Variants in SHANK2 observed in about 807,000 individuals in gnomAD.
The protein encoded by SHANK2 is SH3 and multiple ankyrin repeat domains protein 2.
A neutral mutation model predicts 133.7 loss-of-function variants in SHANK2; 43 were observed. The observed-to-expected ratio is 0.32, with a 90% confidence interval of 0.25 to 0.41. The LOEUF (loss-of-function observed/expected upper bound fraction) is 0.41, where lower values mean the gene tolerates loss of function less well. Among genes scored for constraint, SHANK2 ranks in the 10% least tolerant of loss-of-function variants. The probability of loss-of-function intolerance (pLI) is 1.00; values close to 1 mark genes in which losing one functional copy is unlikely to be tolerated. For synonymous variants in SHANK2, 1,017 were observed against 952.8 expected (o/e 1.07, Z -1.24); for missense variants, 1,994 against 2,235.8 (o/e 0.89, Z 2.18).
chr11:70,838,500 C>A (rs553967534), intron 11 of SHANK2, among the ~76,000 whole-genome samples: 1 of 152,080 alleles, frequency 6.6e-6, no homozygotes, highest in Non-Finnish European at 1.5e-5. Flanking sequence ...TGCCTTGCCC[C>A]GTGGAGGTGC....
At chr11:70,924,950 C>A (rs1344654768) in intron 10 of SHANK2, among the ~76,000 whole-genome samples, 1 of 152,194 alleles carries the variant, frequency 6.6e-6, no homozygotes, top group Non-Finnish European at 1.5e-5. Flanking sequence ...CACCAGGACC[C>A]TCCCTTCCCA....
intron 11 of SHANK2, among the ~76,000 whole-genome samples, chr11:70,832,643 C>T (rs1948742479): frequency 6.6e-6 from 1 of 152,200 alleles, no homozygotes; most frequent in Non-Finnish European, 1.5e-5. Flanking sequence ...TTACTAGGTT[C>T]ACCAGGCTGC....
intron 13 of SHANK2, among the ~76,000 whole-genome samples, chr11:70,803,328 A>C (rs1388254189): frequency 0.039 from 41 of 1,058 alleles, no homozygotes; most frequent in Non-Finnish European, 0.081. Context: ...CTACCCATCC[A>C]TCCATCTACC....
At chr11:71,227,505 C>T (rs1954660417) in intron 1 of SHANK2, among the ~76,000 whole-genome samples, 1 of 151,700 alleles carries the variant, frequency 6.6e-6, no homozygotes, top group Non-Finnish European at 1.5e-5. Flanking sequence ...GAGGACTCCA[C>T]CAAGAAGACA....
chr11:70,631,375 T>TACACACACACACACACACACAC (rs56370058), intron 17 of SHANK2: 2 of 143,390 alleles, frequency 1.4e-5, no homozygotes, highest in African/African-American at 5.2e-5. Context: ...TTCCCGGAGT[T>TACACACACACACACACACACAC]ACACACACAC....
At chr11:70,557,675 C>A (rs572222443) in intron 17 of SHANK2, among the ~76,000 whole-genome samples, 1 of 152,330 alleles carries the variant, frequency 6.6e-6, no homozygotes, top group South Asian at 2.1e-4. Context: ...CTCCAAGATT[C>A]CCACAGTCTG....
chr11:70,739,497 G>T lies in SHANK2; in HGVS notation c.1778-40734C>A, dbSNP rs1019595065. Among the ~76,000 whole-genome samples the T allele has an allele frequency of 5.8e-4, 88 of 152,256 alleles. No individual in the cohort carries two copies. The highest frequency in any genetic ancestry group is 2.0e-3 in the African/African-American group (85 of 41,558). On this transcript the variant is annotated intron_variant, in intron 14 of 25. Coordinates refer to ENST00000601538, the MANE Select transcript of SHANK2 (RefSeq NM_012309.5). The surrounding 1 kb of genome is among the most constrained non-coding windows in gnomAD (Gnocchi z 4.3). Reference sequence around the variant, plus strand: ...GTGCCCACGTGGGGAGGGTGTTTGTGCCTGTGCCTTGTCTGGGGAACACCT... The same window carrying T: ...GTGCCCACGTGGGGAGGGTGTTTGTTCCTGTGCCTTGTCTGGGGAACACCT...
At chr11:71,087,820 G>C (rs1218019056) in intron 8 of SHANK2, among the ~76,000 whole-genome samples, 1 of 152,104 alleles carries the variant, frequency 6.6e-6, no homozygotes, top group African/African-American at 2.4e-5. Context: ...AGTAAGACAG[G>C]GTTTCACCAT....
At chr11:70,892,312 A>G (rs1949857850) in intron 11 of SHANK2, among the ~76,000 whole-genome samples, 1 of 152,026 alleles carries the variant, frequency 6.6e-6, no homozygotes, top group Non-Finnish European at 1.5e-5. Flanking sequence ...AGAGCGAGGG[A>G]GCCTGGATGA....
chr11:71,221,945 T>G (rs1555121227), intron 2 of SHANK2, among the ~76,000 whole-genome samples: 1 of 151,802 alleles, frequency 6.6e-6, no homozygotes, highest in African/African-American at 2.4e-5. Context: ...AGGAGTAGGG[T>G]CCCTTGGTGG....
chr11:70,865,473 G>A (rs782003143), intron 11 of SHANK2, among the ~76,000 whole-genome samples: 11 of 152,190 alleles, frequency 7.2e-5, no homozygotes, highest in Non-Finnish European at 1.0e-4. Flanking sequence ...GTAAGGGCAC[G>A]CGGGGGGTGT....
At chr11:71,064,332 G>A (rs1211263381) in intron 9 of SHANK2, among the ~76,000 whole-genome samples, 1 of 152,180 alleles carries the variant, frequency 6.6e-6, no homozygotes, top group Non-Finnish European at 1.5e-5. Flanking sequence ...TGGGAGGAGA[G>A]AGAGCCTGGG....
At chr11:71,057,914 G>GTT (rs879235729) in intron 9 of SHANK2, among the ~76,000 whole-genome samples, 4,357 of 121,016 alleles carry the variant, frequency 0.036, 417 homozygotes, top group African/African-American at 0.13. Flanking sequence ...AAGCAAAACG[G>GTT]TTTTTTTTTT....
chr11:70,917,582 T>C (rs547630476), intron 10 of SHANK2, among the ~76,000 whole-genome samples: 3 of 152,286 alleles, frequency 2.0e-5, no homozygotes, highest in South Asian at 2.1e-4. Flanking sequence ...CTATTCACAA[T>C]AGCAATGACA....
intron 10 of SHANK2, among the ~76,000 whole-genome samples, chr11:70,930,712 G>A (rs1249834551): frequency 7.2e-6 from 1 of 139,646 alleles, no homozygotes; most frequent in African/African-American, 2.7e-5. Context: ...TTCCCAGGCT[G>A]GAGGCTGGAG....
chr11:70,702,107 C>G lies in SHANK2; in HGVS notation c.1778-3344G>C, dbSNP rs140925606. ...GCCATCATCATCACCATCTTCTTCACCATCATCACCACCATCACCACATCA... is the reference window on the plus strand; with the variant it reads ...GCCATCATCATCACCATCTTCTTCAGCATCATCACCACCATCACCACATCA... On this transcript the variant is annotated intron_variant, in intron 14 of 25. Coordinates refer to ENST00000601538, the MANE Select transcript of SHANK2 (RefSeq NM_012309.5). Among the ~76,000 whole-genome samples the G allele has an allele frequency of 1.5e-3, 232 of 151,432 alleles. 5 individuals are homozygous for G. In the East Asian group the frequency reaches 0.035, roughly 23 times the overall value.
At chr11:70,577,475 G>A (rs1394086962) in intron 17 of SHANK2, among the ~76,000 whole-genome samples, 6 of 152,346 alleles carry the variant, frequency 3.9e-5, no homozygotes, top group African/African-American at 1.2e-4. Context: ...GGGACCAAAA[G>A]CCACAGGCGG....
At chr11:71,230,446 G>C (rs1954724087) in intron 1 of SHANK2, among the ~76,000 whole-genome samples, 1 of 152,066 alleles carries the variant, frequency 6.6e-6, no homozygotes, top group Admixed American at 6.6e-5. Flanking sequence ...GCGGGCACCT[G>C]TAGTACTAGC....
chr11:70,884,247 T>A (rs376890582), intron 11 of SHANK2, among the ~76,000 whole-genome samples: 2 of 152,040 alleles, frequency 1.3e-5, no homozygotes, highest in African/African-American at 4.8e-5. Flanking sequence ...TCACACGTGG[T>A]GGGCAGGGGC....
Sources: gnomAD v4.1 joint callset for allele counts (sites outside exome capture counted in the v4.1 genomes callset) on GRCh38, gnomAD v4.1.1 for gene constraint, Gnocchi (gnomAD v3.1) non-coding constraint, MANE v1.5 for transcripts, NCBI Gene and HGNC (gene_info 2026-07-23, HGNC 2026-07-21) for gene names.